Variants in CMIP observed in about 807,000 individuals in gnomAD.
CMIP encodes the protein C-Maf-inducing protein.
In CMIP, 13 loss-of-function variants were observed where a neutral mutation model predicts 97.3. The observed-to-expected ratio is 0.13, with a 90% CI of 0.09 to 0.21. The LOEUF (loss-of-function observed/expected upper bound fraction) is 0.21, where lower values mean the gene tolerates loss of function less well. Among genes scored for constraint, CMIP ranks in the 10% least tolerant of loss-of-function variants. The pLI is 1.00. For synonymous variants in CMIP, 538 were observed against 436.3 expected, an observed-to-expected ratio of 1.23 and a Z score of -2.91; for missense variants, 847 against 1,024.9, an observed-to-expected ratio of 0.83 and a Z score of 2.37.
At chr16:81,653,402 G>A (rs2092450411) in intron 4 of CMIP, among the ~76,000 whole-genome samples, 1 of 152,272 alleles carries the variant, frequency 6.6e-6, no homozygotes, top group Non-Finnish European at 1.5e-5. Context: ...CTCACTCCAG[G>A]AGGAGGCGAG....
At position 81,652,138 on chromosome 16, in the gene CMIP, G is replaced by T. The variant is rs2092435309; in HGVS notation, c.478-65G>T. ...CCCTAACCCATCTGATTCTTTGATTGTCTTCCATCTTCTGCCTTCCTTACG... is the reference window on the plus strand; with the variant it reads ...CCCTAACCCATCTGATTCTTTGATTTTCTTCCATCTTCTGCCTTCCTTACG... On this transcript the variant is annotated intron_variant, in intron 3 of 20. Transcript: ENST00000537098. The surrounding 1 kb of genome is among the most constrained non-coding windows in gnomAD (Gnocchi z 5.2). 3 of 1,336,648 alleles carry T rather than the reference G, an allele frequency of 2.2e-6. No homozygotes were observed. Among genetic ancestry groups the T allele is most frequent in the Non-Finnish European group, 3.2e-6 (3 of 940,060 alleles). The allele number at this position is 1,336,648 out of a possible 1,614,324, so 82.8% of individuals were successfully genotyped here.
chr16:81,597,837 C>T (rs1329453455), intron 1 of CMIP, among the ~76,000 whole-genome samples: 2 of 152,098 alleles, frequency 1.3e-5, no homozygotes, highest in Non-Finnish European at 2.9e-5. Flanking sequence ...CACCAGCCAT[C>T]TTCAGGGATC....
chr16:81,626,807 GTGTGT>G (rs1366839536), intron 3 of CMIP, among the ~76,000 whole-genome samples: 31 of 131,362 alleles, frequency 2.4e-4, no homozygotes, highest in African/African-American at 5.6e-4. Flanking sequence ...GTGTGTGTGT[GTGTGT>G]GTGTGGGGTG....
chr16:81,522,441 C>A (rs1380153669), intron 1 of CMIP, among the ~76,000 whole-genome samples: 1 of 152,204 alleles, frequency 6.6e-6, no homozygotes, highest in Non-Finnish European at 1.5e-5. Context: ...TCTGGCATAG[C>A]CATGGGGTGC....
chr16:81,471,104 C>T (rs953674203), intron 1 of CMIP, among the ~76,000 whole-genome samples: 1 of 152,124 alleles, frequency 6.6e-6, no homozygotes, highest in Non-Finnish European at 1.5e-5. Context: ...CACATAAATG[C>T]ATGTAGACAT....
chr16:81,546,558 A>T (rs2090549745), intron 1 of CMIP, among the ~76,000 whole-genome samples: 1 of 152,232 alleles, frequency 6.6e-6, no homozygotes, highest in African/African-American at 2.4e-5. Flanking sequence ...TCTGTGTCCC[A>T]GGAACCGAAG....
At chr16:81,559,219 A>C (rs2090828650) in intron 1 of CMIP, among the ~76,000 whole-genome samples, 2 of 152,218 alleles carry the variant, frequency 1.3e-5, no homozygotes, top group Admixed American at 1.3e-4. Context: ...AGACAGTTTG[A>C]TATCAGACCC....
intron 10 of CMIP, among the ~76,000 whole-genome samples, chr16:81,687,463 T>C (rs1024130593): frequency 3.3e-5 from 5 of 151,724 alleles, no homozygotes; most frequent in Non-Finnish European, 4.4e-5. Flanking sequence ...TTCCGCGGAG[T>C]CCCTATAGCC....
At chr16:81,603,786 A>G (rs940105273) in intron 1 of CMIP, among the ~76,000 whole-genome samples, 21 of 152,138 alleles carry the variant, frequency 1.4e-4, no homozygotes, top group African/African-American at 4.8e-4. Flanking sequence ...GACTTGGGTT[A>G]TGGGTTTGGG....
At chr16:81,551,725 G>C (rs985459276) in intron 1 of CMIP, among the ~76,000 whole-genome samples, 4 of 152,188 alleles carry the variant, frequency 2.6e-5, no homozygotes, top group Non-Finnish European at 5.9e-5. Context: ...TTGTCACAGG[G>C]CCCTGGGGAC....
At chr16:81,524,471 CAA>C (rs546862917) in intron 1 of CMIP, among the ~76,000 whole-genome samples, 1 of 152,258 alleles carries the variant, frequency 6.6e-6, no homozygotes, top group Non-Finnish European at 1.5e-5. Flanking sequence ...GTGTTAGCCA[CAA>C]CCTACTAAGC....
intron 3 of CMIP, among the ~76,000 whole-genome samples, chr16:81,634,771 C>T (rs1041020736): frequency 3.3e-5 from 5 of 152,170 alleles, no homozygotes; most frequent in Non-Finnish European, 7.3e-5. Context: ...TTGTAGTAGG[C>T]GCCGGTGACT....
At chr16:81,505,544 T>A (rs899712968) in intron 1 of CMIP, among the ~76,000 whole-genome samples, 3 of 152,218 alleles carry the variant, frequency 2.0e-5, no homozygotes, top group African/African-American at 7.2e-5. Context: ...TTTCTTAGTT[T>A]GGGAACTGAA....
intron 3 of CMIP, among the ~76,000 whole-genome samples, chr16:81,647,950 C>T (rs1295905560): frequency 4.0e-5 from 4 of 99,254 alleles, no homozygotes; most frequent in African/African-American, 1.3e-4. Context: ...ACCCTCCCCC[C>T]GCACCCGCAG....
chr16:81,698,434 G>A (rs80149026), intron 14 of CMIP, among the ~76,000 whole-genome samples: 284 of 152,264 alleles, frequency 1.9e-3, no homozygotes, highest in African/African-American at 6.6e-3. Context: ...ACACCCTTCC[G>A]AGCTCACAGC....
chr16:81,628,281 C>T (rs759479910), intron 3 of CMIP, among the ~76,000 whole-genome samples: 8 of 152,150 alleles, frequency 5.3e-5, no homozygotes, highest in Admixed American at 1.3e-4. Context: ...TGGCCCCAGG[C>T]GCTTTCTCCA....
chr16:81,653,135 G>A (rs147442182), intron 4 of CMIP, among the ~76,000 whole-genome samples: 28 of 152,300 alleles, frequency 1.8e-4, no homozygotes, highest in African/African-American at 4.8e-4. Flanking sequence ...TACTGCTCTC[G>A]TTTATTTGCT....
intron 5 of CMIP, among the ~76,000 whole-genome samples, chr16:81,659,286 G>A (rs1270005679): frequency 6.6e-6 from 1 of 152,216 alleles, no homozygotes; most frequent in Admixed American, 6.5e-5. Context: ...AGGACTGAAT[G>A]TGTGCTGAGA....
intron 1 of CMIP, among the ~76,000 whole-genome samples, chr16:81,556,443 T>G (rs2090765689): frequency 6.6e-6 from 1 of 152,236 alleles, no homozygotes; most frequent in African/African-American, 2.4e-5. Context: ...CTGCACCCTT[T>G]TATATTCGCG....
Sources: gnomAD v4.1 joint callset for allele counts (sites outside exome capture counted in the v4.1 genomes callset) on GRCh38, gnomAD v4.1.1 for gene constraint, Gnocchi (gnomAD v3.1) non-coding constraint, MANE v1.5 for transcripts, NCBI Gene and HGNC (gene_info 2026-07-23, HGNC 2026-07-21) for gene names.